The following GRM5 variants were observed in gnomAD, a reference collection of about 807,000 sequenced individuals.
GRM5 encodes glutamate metabotropic receptor 5.
GRM5 carries 19 observed loss-of-function variants against 83.1 expected under a neutral mutation model. That is an observed-to-expected ratio of 0.23 (90% CI 0.16 to 0.34). GRM5 has a LOEUF of 0.34. Among genes scored for constraint, GRM5 ranks in the 10% least tolerant of loss-of-function variants. The probability of loss-of-function intolerance (pLI) is 1.00; values close to 1 mark genes in which losing one functional copy is unlikely to be tolerated. For missense variants in GRM5, 1,160 were observed against 1,588.3 expected, an observed-to-expected ratio of 0.73 and a Z score of 4.58; for synonymous variants, 675 against 633.6, an observed-to-expected ratio of 1.07 and a Z score of -0.98.
At chr11:88,648,059 C>A (rs200255768) in intron 4 of GRM5, among the ~76,000 whole-genome samples, 1 of 151,928 alleles carries the variant, frequency 6.6e-6, no homozygotes, top group Admixed American at 6.6e-5. Context: ...GTTGGTGGGA[C>A]TGTAAACTAG....
intron 3 of GRM5, among the ~76,000 whole-genome samples, chr11:88,731,162 A>G (rs1483306011): frequency 6.6e-6 from 1 of 152,078 alleles, no homozygotes; most frequent in African/African-American, 2.4e-5. Context: ...AAAGTCCTTT[A>G]TGATACACAC....
intron 2 of GRM5, among the ~76,000 whole-genome samples, chr11:88,891,183 T>A (rs941185314): frequency 2.0e-5 from 3 of 152,098 alleles, no homozygotes; most frequent in African/African-American, 7.2e-5. Context: ...GTCTTTAGGG[T>A]GGCATTTAAT....
intron 2 of GRM5, among the ~76,000 whole-genome samples, chr11:88,887,864 C>T (rs1321708209): frequency 2.0e-5 from 3 of 152,056 alleles, no homozygotes; most frequent in Non-Finnish European, 4.4e-5. Flanking sequence ...CTTGCAAGCA[C>T]TGCAAAATGA....
chr11:88,626,316 C>T (rs1213651781), intron 4 of GRM5, among the ~76,000 whole-genome samples: 4 of 152,046 alleles, frequency 2.6e-5, no homozygotes, highest in Non-Finnish European at 1.5e-5. Flanking sequence ...AGATGTAAAA[C>T]GTGACAATTA....
intron 3 of GRM5, among the ~76,000 whole-genome samples, chr11:88,691,410 T>A (rs906042972): frequency 3.3e-5 from 5 of 152,186 alleles, no homozygotes; most frequent in African/African-American, 1.2e-4. Flanking sequence ...TAGAATAAAC[T>A]TAAAGTGACC....
chr11:88,728,411 C>T (rs867529330), intron 3 of GRM5, among the ~76,000 whole-genome samples: 1 of 152,046 alleles, frequency 6.6e-6, no homozygotes, highest in Admixed American at 6.6e-5. Context: ...AAGCCCAGGA[C>T]CAGATGGATT....
chr11:88,646,473 T>C (rs1939451793), intron 4 of GRM5, among the ~76,000 whole-genome samples: 1 of 131,304 alleles, frequency 7.6e-6, no homozygotes, highest in Non-Finnish European at 1.7e-5. Context: ...TATTTAGATT[T>C]AAGTTTTTAA....
chr11:88,627,549 A>C (rs1267921686), intron 4 of GRM5, among the ~76,000 whole-genome samples: 2 of 152,146 alleles, frequency 1.3e-5, no homozygotes, highest in East Asian at 3.8e-4. Context: ...TTGGCTGTAC[A>C]ACAGCCACAT....
intron 2 of GRM5, among the ~76,000 whole-genome samples, chr11:88,970,048 T>C (rs771272163): frequency 6.6e-6 from 1 of 152,178 alleles, no homozygotes; most frequent in Admixed American, 6.6e-5. Flanking sequence ...TTCTTGATTT[T>C]CTTCCGTATC....
chr11:88,909,413 G>T (rs1010712860), intron 2 of GRM5, among the ~76,000 whole-genome samples: 4 of 147,756 alleles, frequency 2.7e-5, no homozygotes, highest in Admixed American at 6.8e-5. Context: ...CACTGCCAAG[G>T]TAAATCAATG....
chr11:88,525,719 T>A (rs1941857771), intron 8 of GRM5, among the ~76,000 whole-genome samples: 1 of 152,366 alleles, frequency 6.6e-6, no homozygotes, highest in African/African-American at 2.4e-5. Context: ...TAGAAAAAGA[T>A]GAATATCAAT....
intron 4 of GRM5, among the ~76,000 whole-genome samples, chr11:88,650,607 T>C (rs985880195): frequency 6.6e-6 from 1 of 152,008 alleles, no homozygotes; most frequent in African/African-American, 2.4e-5. Context: ...TCAATTGATA[T>C]TGGATTACAT....
At chr11:88,736,046 A>T (rs1941907469) in intron 3 of GRM5, among the ~76,000 whole-genome samples, 1 of 152,110 alleles carries the variant, frequency 6.6e-6, no homozygotes, top group South Asian at 2.1e-4. Flanking sequence ...GGTCATTTAG[A>T]CAATCATTTA....
intron 3 of GRM5, among the ~76,000 whole-genome samples, chr11:88,783,061 A>G (rs543189968): frequency 1.3e-5 from 2 of 152,308 alleles, no homozygotes; most frequent in South Asian, 4.1e-4. Flanking sequence ...CGCCTGACTT[A>G]AAGGCTGGAC....
chr11:88,997,333 T>TAAAAA (rs371168643), intron 2 of GRM5, among the ~76,000 whole-genome samples: 46 of 119,780 alleles, frequency 3.8e-4, no homozygotes, highest in East Asian at 7.0e-4. Context: ...GTCTCAAAAT[T>TAAAAA]AAAAAAAAAA....
chr11:88,670,222 A>G (rs1940155802), intron 3 of GRM5, among the ~76,000 whole-genome samples: 1 of 152,046 alleles, frequency 6.6e-6, no homozygotes, highest in African/African-American at 2.4e-5. Flanking sequence ...TACTTAATCC[A>G]CACTGTTTAC....
intron 4 of GRM5, among the ~76,000 whole-genome samples, chr11:88,632,013 C>T (rs767662916): frequency 6.6e-6 from 1 of 152,066 alleles, no homozygotes; most frequent in African/African-American, 2.4e-5. Flanking sequence ...ATAGAATAAA[C>T]TGCACATATT....
intron 8 of GRM5, among the ~76,000 whole-genome samples, chr11:88,536,846 A>G (rs1942146349): frequency 6.6e-6 from 1 of 152,210 alleles, no homozygotes; most frequent in Admixed American, 6.5e-5. Context: ...TCATAAAGTG[A>G]AGAGAGAAAC....
At chr11:88,884,702 G>T (rs753405042) in intron 2 of GRM5, among the ~76,000 whole-genome samples, 1 of 152,150 alleles carries the variant, frequency 6.6e-6, no homozygotes, top group African/African-American at 2.4e-5. Context: ...TGATGAGGGT[G>T]GGTCTTCCCT....
Sources: allele counts gnomAD v4.1 joint callset (sites outside exome capture counted in the v4.1 genomes callset), GRCh38; gene constraint gnomAD v4.1.1; transcripts MANE v1.5; gene names NCBI Gene and HGNC (gene_info 2026-07-23, HGNC 2026-07-21).